Variants in CACNA1C observed in about 807,000 individuals in gnomAD.
CACNA1C encodes the protein calcium voltage-gated channel subunit alpha1 C.
A neutral mutation model predicts 229.0 loss-of-function variants in CACNA1C; 30 were observed. The ratio of observed to expected loss-of-function variants is 0.13; its 90% confidence interval spans 0.10 to 0.18. The LOEUF (loss-of-function observed/expected upper bound fraction) is 0.18, where lower values mean the gene tolerates loss of function less well. Ranked by LOEUF, CACNA1C falls within the 10% of genes least tolerant of loss-of-function variation. CACNA1C has a pLI of 1.00. For missense variants in CACNA1C, 1,658 were observed against 2,845.0 expected (o/e 0.58, Z 9.49); for synonymous variants, 1,114 against 1,132.5 (o/e 0.98, Z 0.33).
chr12:2,059,627 C>T (rs755812374), intron 1 of CACNA1C, among the ~76,000 whole-genome samples: 29 of 152,070 alleles, frequency 1.9e-4, no homozygotes, highest in Admixed American at 6.5e-5. Context: ...AGGGGCTAGG[C>T]TCTGGTTCGT....
At chr12:2,571,258 A>C (rs907224607) in intron 13 of CACNA1C, among the ~76,000 whole-genome samples, 1 of 152,208 alleles carries the variant, frequency 6.6e-6, no homozygotes, top group Non-Finnish European at 1.5e-5. Context: ...CTATACTCCT[A>C]ACCACTGCCA....
intron 1 of CACNA1C, among the ~76,000 whole-genome samples, chr12:2,094,796 A>G (rs987958426): frequency 5.9e-5 from 9 of 152,148 alleles, no homozygotes; most frequent in Non-Finnish European, 1.5e-5. Context: ...GGGGTTGTGA[A>G]ATGCAGCCAC....
In CACNA1C at chr12:2,499,541, T is replaced by C. The variant is rs992649352; in HGVS notation, c.1114-5301T>C. Among the ~76,000 whole-genome samples, 3 of 152,326 alleles carry C rather than the reference T, an allele frequency of 2.0e-5. No individual in the cohort carries two copies. The South Asian group carries it at 6.2e-4, about 32-fold the overall frequency. On this transcript the variant is annotated intron_variant, in intron 7 of 46. Coordinates refer to ENST00000399655, the MANE Select transcript of CACNA1C (RefSeq NM_000719.7). ...AAAAGTGGACTTGAGGGTTTAAATC[T>C]GGGGTTCCCTTCAAGGAATTAGATG...
At chr12:2,033,942 G>A (rs2048662230) in intron 1 of CACNA1C, among the ~76,000 whole-genome samples, 1 of 152,222 alleles carries the variant, frequency 6.6e-6, no homozygotes, top group African/African-American at 2.4e-5. Context: ...GAAAGACAGA[G>A]GAGCATGGAA....
intron 3 of CACNA1C, among the ~76,000 whole-genome samples, chr12:2,320,722 A>C (rs1429994216): frequency 6.6e-6 from 1 of 152,190 alleles, no homozygotes; most frequent in Non-Finnish European, 1.5e-5. Flanking sequence ...TCTGTGACCC[A>C]TCCCAAAACA....
In CACNA1C at chr12:2,346,900, C is replaced by T. The variant is rs899256951; in HGVS notation, c.478-102076C>T. ...GGGTGCCATGATTTGAACCATCTCA[C>T]CTCTGCATTTTTGCTGGTGTCTCCC... On this transcript the variant is annotated intron_variant, in intron 3 of 46. Coordinates refer to ENST00000399655, the MANE Select transcript of CACNA1C (RefSeq NM_000719.7). This position sits in a 1 kb window ranked among gnomAD's most constrained non-coding sequence, Gnocchi z 4.4. Among the ~76,000 whole-genome samples the T allele has an allele frequency of 2.6e-5, 4 of 152,190 alleles. No homozygotes were observed. Among genetic ancestry groups the T allele is most frequent in the African/African-American group, 9.7e-5 (4 of 41,428 alleles).
At chr12:2,342,688 T>C (rs986470959) in intron 3 of CACNA1C, among the ~76,000 whole-genome samples, 1 of 152,256 alleles carries the variant, frequency 6.6e-6, no homozygotes, top group Non-Finnish European at 1.5e-5. Context: ...CTTTCATCTT[T>C]TCCTGATGCC....
intron 3 of CACNA1C, among the ~76,000 whole-genome samples, chr12:2,262,164 G>C (rs887096098): frequency 6.6e-6 from 1 of 152,226 alleles, no homozygotes; most frequent in Non-Finnish European, 1.5e-5. Context: ...TTCAACCCAG[G>C]AGATGCTAAG....
intron 1 of CACNA1C, among the ~76,000 whole-genome samples, chr12:2,057,260 C>T (rs546082481): frequency 2.8e-4 from 43 of 152,324 alleles, no homozygotes; most frequent in African/African-American, 1.0e-3. Context: ...TCTTGGGATC[C>T]CTGCTTCCTA....
intron 3 of CACNA1C, among the ~76,000 whole-genome samples, chr12:2,395,799 T>G (rs2154549678): frequency 6.6e-6 from 1 of 152,362 alleles, no homozygotes; most frequent in Middle Eastern, 3.4e-3. Context: ...CTTTCTCTTT[T>G]GCATTGACAT....
Position 2,689,072 on chromosome 12 carries a change from C to T in CACNA1C, c.6117+293C>T, listed in dbSNP as rs146636648. On this transcript the variant is annotated intron_variant, in intron 46 of 46. Transcript: ENST00000399655. The surrounding 1 kb of genome is among the most constrained non-coding windows in gnomAD (Gnocchi z 4.2). Reference sequence around the variant, plus strand: ...GACATGCAAATGTGAGCCTGGCTGCCTTTATACACAGACAGGCAAGATCCA... The same window carrying T: ...GACATGCAAATGTGAGCCTGGCTGCTTTTATACACAGACAGGCAAGATCCA... Among the ~76,000 whole-genome samples the T allele has an allele frequency of 2.2e-3, 337 of 152,268 alleles. 3 individuals are homozygous for T. The highest frequency in any genetic ancestry group is 7.3e-3 in the African/African-American group (303 of 41,558).
chr12:2,443,206 A>T (rs2099245568), intron 3 of CACNA1C, among the ~76,000 whole-genome samples: 1 of 152,234 alleles, frequency 6.6e-6, no homozygotes, highest in African/African-American at 2.4e-5. Flanking sequence ...TACTTACAAG[A>T]TACAATGGGA....
At chr12:2,009,549 G>A (rs556982594) in intron 1 of CACNA1C, among the ~76,000 whole-genome samples, 1 of 152,346 alleles carries the variant, frequency 6.6e-6, no homozygotes, top group East Asian at 1.9e-4. Flanking sequence ...TTAGAATGGA[G>A]AGGAAGAGAG....
chr12:2,021,955 G>A (rs117949479), intron 1 of CACNA1C, among the ~76,000 whole-genome samples: 1 of 152,176 alleles, frequency 6.6e-6, no homozygotes, highest in Non-Finnish European at 1.5e-5. Context: ...ACTATCGCAA[G>A]TACAGCAGGT....
intron 3 of CACNA1C, among the ~76,000 whole-genome samples, chr12:2,304,539 G>T (rs959334477): frequency 1.3e-5 from 2 of 152,180 alleles, no homozygotes; most frequent in African/African-American, 4.8e-5. Flanking sequence ...AGCAGGGCTG[G>T]ATTAACTGGA....
chr12:2,364,084 G>T (rs1440730187), intron 3 of CACNA1C, among the ~76,000 whole-genome samples: 1 of 152,126 alleles, frequency 6.6e-6, no homozygotes, highest in Non-Finnish European at 1.5e-5. Flanking sequence ...CAGCATCCCA[G>T]CCCCAGACCA....
Position 2,366,773 on chromosome 12 carries a change from C to G in CACNA1C, c.478-82203C>G, listed in dbSNP as rs370761524. Among the ~76,000 whole-genome samples, 273 of 152,286 alleles carry G rather than the reference C, an allele frequency of 1.8e-3. 10 individuals carry two copies. In the South Asian group the frequency reaches 0.056, roughly 31 times the overall value. The stretch of plus-strand genomic sequence containing the variant: ...ATGAAGAAAAGAGGTTTAATTGACT[C>G]ACAGTTCCACAGGCTGTACAGGAAG... On this transcript the variant is annotated intron_variant, in intron 3 of 46. Transcript: ENST00000399655.
intron 9 of CACNA1C, among the ~76,000 whole-genome samples, chr12:2,538,814 T>C (rs1014735339): frequency 6.6e-6 from 1 of 152,220 alleles, no homozygotes; most frequent in African/African-American, 2.4e-5. Flanking sequence ...CAAGTTATTG[T>C]TTTCTGAAAG....
intron 3 of CACNA1C, among the ~76,000 whole-genome samples, chr12:2,136,526 G>A (rs1343302906): frequency 2.6e-5 from 4 of 151,146 alleles, no homozygotes; most frequent in Non-Finnish European, 4.4e-5. Flanking sequence ...CTTTGAATAC[G>A]ATGCCTTAAT....
Sources: allele counts gnomAD v4.1 joint callset (sites outside exome capture counted in the v4.1 genomes callset), GRCh38; gene constraint gnomAD v4.1.1; non-coding constraint Gnocchi (gnomAD v3.1); transcripts MANE v1.5; gene names NCBI Gene and HGNC (gene_info 2026-07-23, HGNC 2026-07-21).